The following UGT1A5 variants were observed in gnomAD, a reference collection of about 807,000 sequenced individuals.
UGT1A5 encodes UDP glucuronosyltransferase family 1 member A5.
UGT1A5 carries 29 observed loss-of-function variants against 40.3 expected under a neutral mutation model. The observed-to-expected ratio is 0.72, with a 90% CI of 0.54 to 0.98. The LOEUF (loss-of-function observed/expected upper bound fraction) is 0.98. UGT1A5 is among the 50% of genes least tolerant of loss of function. The pLI, the probability that UGT1A5 is intolerant of heterozygous loss-of-function variation, is 0.00. For missense variants in UGT1A5, 678 were observed against 677.9 expected (o/e 1.00, Z 0.00); for synonymous variants, 257 against 262.5 (o/e 0.98, Z 0.20).
chr2:233,764,154 G>A (rs967840775), intron 1 of UGT1A5, among the ~76,000 whole-genome samples: 1 of 152,226 alleles, frequency 6.6e-6, no homozygotes, highest in Non-Finnish European at 1.5e-5. Flanking sequence ...TTTGGCTGGT[G>A]AAGTCTCATC....
chr2:233,741,489 A>G (rs1390991788), intron 1 of UGT1A5: 2 of 151,928 alleles, frequency 1.3e-5, no homozygotes, highest in African/African-American at 4.9e-5. Flanking sequence ...TCTGATGTAC[A>G]AAAAACTGAA....
At chr2:233,719,454 A>G in intron 1 of UGT1A5, 2 of 1,613,988 alleles carry the variant, frequency 1.2e-6, no homozygotes, top group Non-Finnish European at 1.7e-6. Context: ...GCAAAGGGTC[A>G]AGAACATGCT....
At chr2:233,745,561 A>G (rs1490728592) in intron 1 of UGT1A5, among the ~76,000 whole-genome samples, 1 of 151,724 alleles carries the variant, frequency 6.6e-6, no homozygotes, top group Admixed American at 6.6e-5. Context: ...CTAAGTTTAT[A>G]TAGCCTCTAG....
intron 1 of UGT1A5, chr2:233,717,918 A>C (rs2076615839): frequency 2.2e-6 from 1 of 454,686 alleles, no homozygotes; most frequent in Non-Finnish European, 4.4e-6. Flanking sequence ...GGCCTGGATG[A>C]ATGGATACTT....
chr2:233,768,054 A>T (rs1384127703), intron 3 of UGT1A5, 118 bp downstream of exon 3: 6 of 1,603,138 alleles, frequency 3.7e-6, no homozygotes, highest in Non-Finnish European at 5.1e-6. Context: ...CATATCCTAC[A>T]TTGCTTTTTA....
intron 1 of UGT1A5, among the ~76,000 whole-genome samples, chr2:233,761,933 C>T (rs1191781087): frequency 1.3e-5 from 2 of 152,210 alleles, no homozygotes; most frequent in Admixed American, 1.3e-4. Flanking sequence ...AGGCACTTCC[C>T]AGGTGCTGCG....
At position 233,773,283 on chromosome 2, in the gene UGT1A5, A is replaced by G. The variant is rs1700573632; in HGVS notation, c.*724A>G. 6.6e-6 allele frequency: 1 copy of G among 152,180 alleles called. No homozygotes were observed. The highest frequency in any genetic ancestry group is 1.5e-5 in the Non-Finnish European group (1 of 68,034). 9.4% of individuals were successfully genotyped at this position (152,180 alleles called of 1,614,324 possible). Reference sequence around the variant, plus strand: ...TTCCTACAACTAAAAATAAATTAATAAATTTATATAAATTCTATTTAAGTG... The same window carrying G: ...TTCCTACAACTAAAAATAAATTAATGAATTTATATAAATTCTATTTAAGTG... On this transcript the variant is annotated 3_prime_UTR_variant, in exon 5 of 5. Coordinates refer to ENST00000373414, the MANE Select transcript of UGT1A5 (RefSeq NM_019078.2).
intron 1 of UGT1A5, among the ~76,000 whole-genome samples, chr2:233,753,965 T>C (rs1263394667): frequency 6.6e-6 from 1 of 152,232 alleles, no homozygotes; most frequent in East Asian, 1.9e-4. Flanking sequence ...ATTAAGAGAA[T>C]AACGTGTGTT....
At chr2:233,737,783 T>C (rs2125810890) in intron 1 of UGT1A5, among the ~76,000 whole-genome samples, 1 of 152,286 alleles carries the variant, frequency 6.6e-6, no homozygotes, top group Non-Finnish European at 1.5e-5. Context: ...GTTAACTACA[T>C]TGGCTCAAAT....
Position 233,769,261 on chromosome 2 carries a change from C to T in UGT1A5, c.1307+822C>T, listed in dbSNP as rs1242622914. ...ATTTGCTCAAATGTGGCCCTGAAAA[C>T]GATTCAAAGGGCAAATGATTTCTGG... On this transcript the variant is annotated intron_variant, in intron 4 of 4. Coordinates refer to ENST00000373414, the MANE Select transcript of UGT1A5 (RefSeq NM_019078.2). This position sits in a 1 kb window ranked among gnomAD's most constrained non-coding sequence, Gnocchi z 4.4. 1.3e-5 allele frequency among the ~76,000 whole-genome samples: 2 copies of T among 152,124 alleles called. No homozygotes were observed. Among genetic ancestry groups the T allele is most frequent in the African/African-American group, 2.4e-5 (1 of 41,420 alleles).
intron 1 of UGT1A5, among the ~76,000 whole-genome samples, chr2:233,731,819 C>T (rs1478115630): frequency 1.3e-5 from 2 of 152,132 alleles, no homozygotes; most frequent in Non-Finnish European, 2.9e-5. Context: ...ATGGCTGTGT[C>T]AAATGGTATT....
chr2:233,747,661 T>C lies in UGT1A5; in HGVS notation c.868-19373T>C, dbSNP rs1219859537. ...AATGCTACTTCCTTCGATGTGGTTT[T>C]AATAGACCCAATTTACCTCTGTGGG... On this transcript the variant is annotated intron_variant, in intron 1 of 4. Coordinates refer to ENST00000373414, the MANE Select transcript of UGT1A5 (RefSeq NM_019078.2). 26 of 1,599,782 alleles carry C rather than the reference T, an allele frequency of 1.6e-5. No individual in the cohort carries two copies. The East Asian group carries it at 5.8e-4, about 36-fold the overall frequency.
intron 1 of UGT1A5, chr2:233,753,403 T>C (rs149143287): frequency 6.6e-6 from 1 of 152,326 alleles, no homozygotes; most frequent in East Asian, 1.9e-4. Flanking sequence ...CTAGAGCATA[T>C]CCAAACCCAT....
chr2:233,720,901 A>G (rs1393061406), intron 1 of UGT1A5, among the ~76,000 whole-genome samples: 5 of 132,048 alleles, frequency 3.8e-5, no homozygotes, highest in Admixed American at 7.7e-5. Flanking sequence ...AGTAGAGATG[A>G]GGTTTCGCAA....
chr2:233,722,246 G>A (rs1029128389), intron 1 of UGT1A5, among the ~76,000 whole-genome samples: 1 of 152,176 alleles, frequency 6.6e-6, no homozygotes, highest in East Asian at 1.9e-4. Context: ...TATTATCTGT[G>A]ACAGACACGC....
Position 233,772,855 on chromosome 2 carries a change from A to T in UGT1A5, c.*296A>T, listed in dbSNP as rs1237319377. On this transcript the variant is annotated 3_prime_UTR_variant, in exon 5 of 5. Transcript: ENST00000373414. ...TTCTAGATTACTTTTCTTACTCTGA[A>T]ACATGGCCTGTTTGGGAGTGCGGGA... 3 of 732,688 alleles carry T rather than the reference A, an allele frequency of 4.1e-6. No homozygotes were observed. Among genetic ancestry groups the T allele is most frequent in the Non-Finnish European group, 5.9e-6 (3 of 506,184 alleles). 45.4% of individuals were successfully genotyped at this position (732,688 alleles called of 1,614,324 possible). A position where few individuals can be genotyped will look rare whatever the true frequency, so the allele number is the denominator to read the frequency against.
intron 1 of UGT1A5, among the ~76,000 whole-genome samples, chr2:233,757,560 A>ATATATATATATACATATATATATG (rs904896556): frequency 8.1e-6 from 1 of 123,146 alleles, no homozygotes; most frequent in African/African-American, 3.4e-5. Flanking sequence ...ATATATATAT[A>ATATATATATATACATATATATATG]TGTATATATG....
chr2:233,744,229 G>C (rs1245532493), intron 1 of UGT1A5, among the ~76,000 whole-genome samples: 2 of 151,826 alleles, frequency 1.3e-5, no homozygotes, highest in Non-Finnish European at 2.9e-5. Flanking sequence ...AAAAGAGAGG[G>C]CCTTGACTTT....
chr2:233,768,861 G>A (rs1031930019), intron 4 of UGT1A5, among the ~76,000 whole-genome samples: 1 of 152,004 alleles, frequency 6.6e-6, no homozygotes, highest in African/African-American at 2.4e-5. Flanking sequence ...TGAGATTACA[G>A]GCATGAGCCA....
Sources: allele counts gnomAD v4.1 joint callset (sites outside exome capture counted in the v4.1 genomes callset), GRCh38; gene constraint gnomAD v4.1.1; non-coding constraint Gnocchi (gnomAD v3.1); transcripts MANE v1.5; gene names NCBI Gene and HGNC (gene_info 2026-07-23, HGNC 2026-07-21).